SLC30A5: variants seen among roughly 807,000 people sequenced by gnomAD.
The protein encoded by SLC30A5 is proton-coupled zinc antiporter SLC30A5.
In SLC30A5, 33 loss-of-function variants were observed where a neutral mutation model predicts 79.6. That is an observed-to-expected ratio of 0.41 (90% CI 0.31 to 0.55). SLC30A5 has a LOEUF of 0.55. SLC30A5 is among the 20% of genes least tolerant of loss of function. The pLI is 0.20. For missense variants in SLC30A5, 788 were observed against 928.1 expected (o/e 0.85, Z 1.96); for synonymous variants, 299 against 319.7 (o/e 0.94, Z 0.69).
chr5:69,128,025 A>G lies in SLC30A5; in HGVS notation c.2020A>G (p.Ile674Val), dbSNP rs139319816. Residue 674 changes from isoleucine (I) to valine (V), a missense_variant, in exon 15 of 16, where the codon ATA becomes GTA. Around this residue, in one of 3 missense-constraint regions of SLC30A5, gnomAD observed 158 missense variants for 156.2 expected, o/e 1.01. Transcript: ENST00000396591. ...LEKIQKIEGL[I>V]SYRDPHFWRH... ...ACAGATACAGAAAATTGAAGGATTA[A>G]TATCATACCGAGACCCTCATTTTTG... is the stretch of plus-strand genomic sequence containing the variant. The G allele has an allele frequency of 1.9e-6, 3 of 1,611,438 alleles. No homozygotes were observed. Among genetic ancestry groups the G allele is most frequent in the Non-Finnish European group, 2.5e-6 (3 of 1,178,208 alleles).
intron 2 of SLC30A5, 127 bp from the exon 3 acceptor site, chr5:69,102,935 A>G (rs1745974431): frequency 2.2e-6 from 1 of 451,830 alleles, no homozygotes; most frequent in Non-Finnish European, 4.0e-6. Context: ...ATTCTCCAGT[A>G]TGATTTATTC....
At position 69,094,211 on chromosome 5, in the gene SLC30A5, G is replaced by T; in HGVS notation, c.-45G>T. 1 of 1,014,920 alleles carries T rather than the reference G, an allele frequency of 9.9e-7. No individual in the cohort carries two copies. The highest frequency in any genetic ancestry group is 1.3e-6 in the Non-Finnish European group (1 of 773,106). 62.9% of individuals were successfully genotyped at this position (1,014,920 alleles called of 1,614,324 possible). A position where few individuals can be genotyped will look rare whatever the true frequency, so the allele number is the denominator to read the frequency against. On this transcript the variant is annotated 5_prime_UTR_variant, in exon 1 of 16. Coordinates refer to ENST00000396591, the MANE Select transcript of SLC30A5 (RefSeq NM_022902.5). ...TTCCGCGGCAGCGGCGAGACATGAG[G>T]AGACCCCGCGACAGGGGCAGCGGCG...
rs753389956 is a variant in SLC30A5, at chr5:69,129,468, G to A, written c.2149G>A (p.Ala717Thr). Reference sequence around the variant, plus strand: ...ACAGGTTACAGGAATACTTAAAGATGCTGGAGTAAACAATTTAACAATTCA... The same window carrying A: ...ACAGGTTACAGGAATACTTAAAGATACTGGAGTAAACAATTTAACAATTCA... ...VQQVTGILKD[A>T]GVNNLTIQVE... Residue 717 changes from alanine (A) to threonine (T), a missense_variant, in exon 16 of 16, where the codon GCT (alanine) becomes ACT (threonine). By Grantham distance (58) the Ala-to-Thr change is moderately conservative. Around this residue, in one of 3 missense-constraint regions of SLC30A5, gnomAD observed 158 missense variants for 156.2 expected, o/e 1.01. Coordinates refer to ENST00000396591, the MANE Select transcript of SLC30A5 (RefSeq NM_022902.5). 1 of 1,612,412 alleles carries A rather than the reference G, an allele frequency of 6.2e-7. No homozygotes were observed. Among genetic ancestry groups the A allele is most frequent in the Non-Finnish European group, 8.5e-7 (1 of 1,179,506 alleles).
chr5:69,103,873 T>G, intron 3 of SLC30A5: 1 of 1,022,118 alleles, frequency 9.8e-7, no homozygotes, highest in Non-Finnish European at 1.4e-6. Flanking sequence ...AAAGACGAAT[T>G]TAAGTACTTC....
intron 14 of SLC30A5, among the ~76,000 whole-genome samples, chr5:69,126,825 G>GTA (rs1043864447): frequency 2.0e-5 from 3 of 148,778 alleles, no homozygotes; most frequent in African/African-American, 7.4e-5. Flanking sequence ...ATATATATAT[G>GTA]TATATATATC....
intron 14 of SLC30A5, among the ~76,000 whole-genome samples, chr5:69,123,834 A>G (rs1488487524): frequency 1.3e-5 from 2 of 152,218 alleles, no homozygotes; most frequent in Admixed American, 1.3e-4. Flanking sequence ...ACATAAACTT[A>G]CAGAATTAAT....
intron 5 of SLC30A5, among the ~76,000 whole-genome samples, chr5:69,109,936 G>A (rs762076445): frequency 6.6e-5 from 10 of 152,090 alleles, no homozygotes; most frequent in South Asian, 2.1e-4. Context: ...CAGCAGCTGC[G>A]GCCCTGACAA....
intron 14 of SLC30A5, among the ~76,000 whole-genome samples, chr5:69,127,395 G>A (rs688674): frequency 0.38 from 57,952 of 151,086 alleles, 11,652 homozygotes; most frequent in East Asian, 0.53. Context: ...TCGGGAGGCT[G>A]AGGTGGGTGG....
Position 69,123,354 on chromosome 5 carries a change from G to A in SLC30A5, c.1927G>A (p.Asp643Asn). 1 of 1,613,962 alleles carries A rather than the reference G, an allele frequency of 6.2e-7. No individual in the cohort carries two copies. Among genetic ancestry groups the A allele is most frequent in the African/African-American group, 1.3e-5 (1 of 75,006 alleles). ...TCTCAGTGTTGTTCCACTGATTAAA[G>A]ATGCCTGCCAGGTTCTACTCCTGAG... ...IFLSVVPLIK[D>N]ACQVLLLRLP... Residue 643 changes from aspartate to asparagine, a missense_variant, in exon 14 of 16, where the codon GAT becomes AAT. Asp to Asn is a conservative substitution (Grantham distance 23). Coordinates refer to ENST00000396591, the MANE Select transcript of SLC30A5 (RefSeq NM_022902.5).
In SLC30A5 at chr5:69,108,793, A is replaced by G. The variant is rs184470430; in HGVS notation, c.447+357A>G. On this transcript the variant is annotated intron_variant, in intron 5 of 15. Transcript: ENST00000396591. ...GCTGAGATCATGCCACTGCACTCCA[A>G]CCTGGGCAATAGAGTGAGACTCAGC... is the stretch of plus-strand genomic sequence containing the variant. Among the ~76,000 whole-genome samples the G allele has an allele frequency of 6.7e-4, 96 of 143,274 alleles. No homozygotes were observed. In the Middle Eastern group the frequency reaches 0.015, roughly 22 times the overall value. 94.0% of individuals were successfully genotyped at this position (143,274 alleles called of 152,430 possible).
At chr5:69,099,704 C>T (rs1367373189) in intron 1 of SLC30A5, among the ~76,000 whole-genome samples, 3 of 152,176 alleles carry the variant, frequency 2.0e-5, no homozygotes, top group East Asian at 1.9e-4. Context: ...GCCAAGGAGG[C>T]GCAAACCAAA....
intron 12 of SLC30A5, among the ~76,000 whole-genome samples, chr5:69,118,910 C>T (rs1181263126): frequency 6.6e-6 from 1 of 150,816 alleles, no homozygotes; most frequent in Non-Finnish European, 1.5e-5. Context: ...AAGCGATTCT[C>T]GTGCCTCAGC....
chr5:69,096,450 T>C (rs1310337830), intron 1 of SLC30A5, among the ~76,000 whole-genome samples: 1 of 152,238 alleles, frequency 6.6e-6, no homozygotes, highest in Admixed American at 6.5e-5. Flanking sequence ...TACTACTTAC[T>C]TAGCAGAGTT....
At chr5:69,099,791 C>A (rs1310875654) in intron 1 of SLC30A5, among the ~76,000 whole-genome samples, 2 of 152,146 alleles carry the variant, frequency 1.3e-5, no homozygotes, top group African/African-American at 4.8e-5. Context: ...TTATTTTGTT[C>A]TCCTTATTTG....
chr5:69,127,473 CAAAAAAAA>C (rs70989993), intron 14 of SLC30A5, among the ~76,000 whole-genome samples: 42 of 77,896 alleles, frequency 5.4e-4, no homozygotes, highest in African/African-American at 1.4e-3. Context: ...TACTAAAATA[CAAAAAAAA>C]AAAAAAAAAA....
chr5:69,115,751 A>T (rs1038857248), intron 8 of SLC30A5, among the ~76,000 whole-genome samples, 175 bp from the exon 9 acceptor site: 1 of 152,140 alleles, frequency 6.6e-6, no homozygotes, highest in Non-Finnish European at 1.5e-5. Context: ...GTTTTTTAAA[A>T]CTTTGGAGAA....
Position 69,113,219 on chromosome 5 carries a change from C to A in SLC30A5, c.527C>A (p.Ala176Asp), listed in dbSNP as rs1216479548. The part of the protein sequence containing the change: ...FDNDDLMAKM[A>D]EHPEGHHDSA... ...AATGATGATCTCATGGCTAAAATGG[C>A]TGAACACCGTATCCTTTTGGAATAG... Residue 176 changes from alanine to aspartate, a missense_variant, in exon 6 of 16, where the codon GCT becomes GAT. This residue lies in a region of SLC30A5 where 626 missense variants were observed against 755.5 expected (regional missense o/e 0.83). Transcript: ENST00000396591. 6.2e-7 allele frequency: 1 copy of A among 1,612,586 alleles called. No homozygotes were observed. Among genetic ancestry groups the A allele is most frequent in the South Asian group, 1.1e-5 (1 of 90,922 alleles).
chr5:69,108,772 A>G (rs898493221), intron 5 of SLC30A5, among the ~76,000 whole-genome samples: 8 of 148,650 alleles, frequency 5.4e-5, no homozygotes, highest in African/African-American at 2.0e-4. Context: ...CAGTGAGCTG[A>G]GATCATGCCA....
chr5:69,118,126 A>G (rs1376805288), intron 11 of SLC30A5, among the ~76,000 whole-genome samples: 28 of 150,014 alleles, frequency 1.9e-4, no homozygotes, highest in African/African-American at 6.6e-4. Flanking sequence ...TCAGTGAGCC[A>G]AGATCGTGCC....
Sources: gnomAD v4.1 joint callset for allele counts (sites outside exome capture counted in the v4.1 genomes callset) on GRCh38, gnomAD v4.1.1 for gene constraint, gnomAD v4.1.1 regional missense constraint, MANE v1.5 for transcripts, NCBI Gene and HGNC (gene_info 2026-07-23, HGNC 2026-07-21) for gene names.